Variants in BBS9 observed in about 807,000 individuals in gnomAD.
BBS9 encodes the protein protein PTHB1.
A neutral mutation model predicts 117.7 loss-of-function variants in BBS9; 89 were observed. The ratio of observed to expected loss-of-function variants is 0.76; its 90% CI spans 0.64 to 0.90. The LOEUF is 0.90. Among genes scored for constraint, BBS9 ranks in the 40% least tolerant of loss-of-function variants. The pLI, the probability that BBS9 is intolerant of heterozygous loss-of-function variation, is 0.00. For missense variants in BBS9, 982 were observed against 1,042.2 expected (o/e 0.94, Z 0.80); for synonymous variants, 379 against 370.9 (o/e 1.02, Z -0.25).
At chr7:33,576,604 T>C (rs1858926404) in intron 21 of BBS9, among the ~76,000 whole-genome samples, 1 of 151,980 alleles carries the variant, frequency 6.6e-6, no homozygotes, top group Non-Finnish European at 1.5e-5. Flanking sequence ...GCCAAGACAA[T>C]CCTAAGCAAA....
intron 5 of BBS9, among the ~76,000 whole-genome samples, chr7:33,204,550 A>G (rs1345963793): frequency 6.6e-6 from 1 of 152,082 alleles, no homozygotes; most frequent in Non-Finnish European, 1.5e-5. Context: ...GGAGGAAATG[A>G]TATTATTTTG....
chr7:33,536,869 GAGTATTTCTTATTAAGAAATACT>G (rs1383253582), intron 21 of BBS9, among the ~76,000 whole-genome samples: 1 of 151,438 alleles, frequency 6.6e-6, no homozygotes, highest in Non-Finnish European at 1.5e-5. Context: ...ACATTATCAT[GAGTATTTCTTATTAAGAAATACT>G]GTGAGGAGTT....
chr7:33,536,561 G>A (rs1289871455), intron 21 of BBS9, among the ~76,000 whole-genome samples: 1 of 151,836 alleles, frequency 6.6e-6, no homozygotes, highest in Non-Finnish European at 1.5e-5. Context: ...GGAAGGGTTA[G>A]ATCTAGAATC....
At chr7:33,305,394 TG>T (rs1807671823) in intron 9 of BBS9, among the ~76,000 whole-genome samples, 1 of 152,158 alleles carries the variant, frequency 6.6e-6, no homozygotes, top group Non-Finnish European at 1.5e-5. Flanking sequence ...GTACCTTTGT[TG>T]GTTTGGGTAT....
intron 19 of BBS9, among the ~76,000 whole-genome samples, chr7:33,493,435 G>A (rs992335957): frequency 3.3e-5 from 5 of 152,276 alleles, no homozygotes; most frequent in African/African-American, 7.2e-5. Flanking sequence ...AGTAAGTAAT[G>A]ATAGCCATCA....
At chr7:33,558,095 T>C (rs1405433044) in intron 21 of BBS9, among the ~76,000 whole-genome samples, 2 of 152,240 alleles carry the variant, frequency 1.3e-5, no homozygotes, top group African/African-American at 4.8e-5. Flanking sequence ...TCTCTTGGAA[T>C]CAAAAATTAT....
intron 21 of BBS9, 60 bp downstream of exon 21, chr7:33,534,236 T>A: frequency 1.3e-6 from 2 of 1,522,418 alleles, no homozygotes; most frequent in Non-Finnish European, 1.8e-6. Flanking sequence ...TAGAGGAATG[T>A]GCCTGTGGTT....
chr7:33,464,951 G>A (rs773354936), intron 19 of BBS9, among the ~76,000 whole-genome samples: 12 of 151,836 alleles, frequency 7.9e-5, no homozygotes, highest in East Asian at 5.8e-4. Context: ...TCAGCTTCCC[G>A]AGTAGCTGGG....
intron 6 of BBS9, among the ~76,000 whole-genome samples, chr7:33,263,070 A>G (rs1444865259): frequency 1.3e-5 from 2 of 149,908 alleles, no homozygotes; most frequent in Non-Finnish European, 3.0e-5. Context: ...TGTTTATAAA[A>G]TGAATGAAAT....
At chr7:33,247,561 C>T (rs1260397170) in intron 5 of BBS9, among the ~76,000 whole-genome samples, 1 of 152,160 alleles carries the variant, frequency 6.6e-6, no homozygotes, top group African/African-American at 2.4e-5. Context: ...TCTTTCTCAA[C>T]CTGCAAGACC....
intron 5 of BBS9, chr7:33,242,873 T>C (rs963738370): frequency 3.9e-6 from 2 of 510,778 alleles, no homozygotes; most frequent in Admixed American, 2.0e-5. Flanking sequence ...ATGCATAACA[T>C]TCAGTTGGAG....
intron 5 of BBS9, among the ~76,000 whole-genome samples, chr7:33,193,685 G>A (rs905018628): frequency 6.6e-6 from 1 of 152,118 alleles, no homozygotes; most frequent in African/African-American, 2.4e-5. Context: ...ACATGGGGAG[G>A]AAGAAGGGTT....
At chr7:33,394,862 C>T (rs918731797) in intron 19 of BBS9, among the ~76,000 whole-genome samples, 17 of 152,138 alleles carry the variant, frequency 1.1e-4, no homozygotes, top group Admixed American at 9.2e-4. Context: ...TTAGAATCAT[C>T]ATGTGAGGGT....
chr7:33,392,222 A>C (rs1052067893), intron 19 of BBS9, among the ~76,000 whole-genome samples: 2 of 152,170 alleles, frequency 1.3e-5, no homozygotes, highest in African/African-American at 4.8e-5. Context: ...GCTTAAAACA[A>C]CAATAATTCA....
chr7:33,237,543 G>T (rs150599383), intron 5 of BBS9, among the ~76,000 whole-genome samples: 1 of 152,050 alleles, frequency 6.6e-6, no homozygotes, highest in Non-Finnish European at 1.5e-5. Context: ...TAAGAGTAGT[G>T]GTATGTGTTG....
intron 21 of BBS9, among the ~76,000 whole-genome samples, chr7:33,570,203 G>A (rs1857559990): frequency 6.6e-6 from 1 of 152,190 alleles, no homozygotes; most frequent in Non-Finnish European, 1.5e-5. Context: ...GCTCCTTGGA[G>A]AAGTGGTTGA....
intron 21 of BBS9, among the ~76,000 whole-genome samples, chr7:33,590,441 T>C (rs1159362945): frequency 9.7e-6 from 1 of 102,716 alleles, no homozygotes; most frequent in Non-Finnish European, 1.7e-5. Context: ...TGGCCACTGT[T>C]TGTTTTTTTG....
At chr7:33,430,247 T>A (rs1834241832) in intron 19 of BBS9, among the ~76,000 whole-genome samples, 1 of 152,186 alleles carries the variant, frequency 6.6e-6, no homozygotes, top group Non-Finnish European at 1.5e-5. Context: ...ATGTTGAGAG[T>A]CTGCTCTGTC....
At chr7:33,197,235 C>T (rs1200775459) in intron 5 of BBS9, among the ~76,000 whole-genome samples, 1 of 152,096 alleles carries the variant, frequency 6.6e-6, no homozygotes, top group African/African-American at 2.4e-5. Context: ...ATTTGACAAC[C>T]ATTTTTGATC....
Sources: gnomAD v4.1 joint callset for allele counts (sites outside exome capture counted in the v4.1 genomes callset) on GRCh38, gnomAD v4.1.1 for gene constraint, MANE v1.5 for transcripts, NCBI Gene and HGNC (gene_info 2026-07-23, HGNC 2026-07-21) for gene names.